The following FREM3 variants were observed in gnomAD, a reference collection of about 807,000 sequenced individuals.
FREM3 encodes FRAS1-related extracellular matrix protein 3.
In FREM3, 105 loss-of-function variants were observed where a neutral mutation model predicts 129.1. The observed-to-expected ratio is 0.81, with a 90% CI of 0.69 to 0.96. The LOEUF is 0.96. Among genes scored for constraint, FREM3 ranks in the 40% least tolerant of loss-of-function variants. The pLI is 0.00. For synonymous variants in FREM3, 1,014 were observed against 1,044.9 expected (o/e 0.97, Z 0.57); for missense variants, 2,593 against 2,666.3 (o/e 0.97, Z 0.61).
chr4:143,620,112 T>C (rs1464217540), intron 5 of FREM3, among the ~76,000 whole-genome samples: 1 of 152,170 alleles, frequency 6.6e-6, no homozygotes, highest in African/African-American at 2.4e-5. Context: ...ACTTACTAAA[T>C]AACTGCCAGC....
chr4:143,689,191 A>G (rs1010692601), intron 2 of FREM3, among the ~76,000 whole-genome samples: 3 of 152,114 alleles, frequency 2.0e-5, no homozygotes, highest in African/African-American at 7.2e-5. Flanking sequence ...AAAAAAACAA[A>G]CAATCCCATC....
chr4:143,648,827 A>G (rs2149848272), intron 2 of FREM3, among the ~76,000 whole-genome samples: 1 of 152,288 alleles, frequency 6.6e-6, no homozygotes, highest in African/African-American at 2.4e-5. Context: ...CAATGGCATG[A>G]TCATAGCTCA....
chr4:143,697,667 G>A lies in FREM3; in HGVS notation c.3009C>T (p.Pro1003=). Residue 1003 remains proline (P), a synonymous_variant, in exon 1 of 8, where the codon CCC becomes CCT. Coordinates refer to ENST00000329798, the MANE Select transcript of FREM3 (RefSeq NM_001168235.2). ...KLGTILVNGL[P]TERFTQEDLI... Reference sequence around the variant, plus strand: ...GATCCTCTTGGGTGAATCGTTCTGTGGGCAAACCATTTACCAGAATAGTGC... The same window carrying A: ...GATCCTCTTGGGTGAATCGTTCTGTAGGCAAACCATTTACCAGAATAGTGC... 6.5e-7 allele frequency: 1 copy of A among 1,537,830 alleles called. No homozygotes were observed. The highest frequency in any genetic ancestry group is 1.2e-5 in the South Asian group (1 of 84,054).
At chr4:143,584,139 G>T (rs954615572) in intron 7 of FREM3, among the ~76,000 whole-genome samples, 2 of 152,228 alleles carry the variant, frequency 1.3e-5, no homozygotes, top group Non-Finnish European at 2.9e-5. Flanking sequence ...GCTGGGCGCG[G>T]TGGCTCACGC....
Position 143,698,763 on chromosome 4 carries a change from T to A in FREM3, c.1913A>T (p.Tyr638Phe). The change falls in exon 1 of 8, where the codon TAT (tyrosine) becomes TTT (phenylalanine). Residue 638 changes from tyrosine to phenylalanine, a missense_variant. Tyr to Phe is a conservative substitution (Grantham distance 22). Transcript: ENST00000329798. Reference protein sequence around the residue: ...DWHYMEKEGLYEKVVTEWLQR... With the variant: ...DWHYMEKEGLFEKVVTEWLQR... ...TAGCCACTCAGTCACCACTTTCTCA[T>A]AAAGCCCTTCCTTTTCCATGTAGTG... is the stretch of plus-strand genomic sequence containing the variant. 4 of 1,537,522 alleles carry A rather than the reference T, an allele frequency of 2.6e-6. No individual in the cohort carries two copies. The highest frequency in any genetic ancestry group is 3.5e-6 in the Non-Finnish European group (4 of 1,146,970).
intron 2 of FREM3, among the ~76,000 whole-genome samples, chr4:143,640,726 C>A (rs1253130155): frequency 6.6e-6 from 1 of 151,950 alleles, no homozygotes; most frequent in African/African-American, 2.4e-5. Context: ...TAGTTAGCAA[C>A]AGAACCAGTA....
chr4:143,699,427 C>G lies in FREM3; in HGVS notation c.1249G>C (p.Asp417His), dbSNP rs184496. The change falls in exon 1 of 8, where the codon GAC (aspartate) becomes CAC (histidine). Residue 417 changes from aspartate (D) to histidine (H), a missense_variant. Transcript: ENST00000329798. This position sits in a 1 kb window ranked among gnomAD's most constrained non-coding sequence, Gnocchi z 4.2. Reference protein sequence around the residue: ...EVVDGDGAASDPFAFMVTVKS... With the variant: ...EVVDGDGAASHPFAFMVTVKS... ...ACTGTCACCATGAAGGCAAAGGGGTCTGAGGCGGCGCCGTCTCCGTCCACC... is the reference window on the plus strand; with the variant it reads ...ACTGTCACCATGAAGGCAAAGGGGTGTGAGGCGGCGCCGTCTCCGTCCACC... The G allele has an allele frequency of 1.3e-6, 2 of 1,537,324 alleles. No homozygotes were observed. The highest frequency in any genetic ancestry group is 1.7e-6 in the Non-Finnish European group (2 of 1,146,924).
intron 7 of FREM3, among the ~76,000 whole-genome samples, chr4:143,582,732 G>A (rs939014913): frequency 1.3e-5 from 2 of 151,892 alleles, no homozygotes; most frequent in African/African-American, 4.8e-5. Flanking sequence ...TCGAGAATCA[G>A]GTGAAAGTCA....
At chr4:143,630,349 T>C (rs961735205) in intron 2 of FREM3, among the ~76,000 whole-genome samples, 1 of 152,188 alleles carries the variant, frequency 6.6e-6, no homozygotes, top group African/African-American at 2.4e-5. Context: ...TAATACATCT[T>C]TTAAAAAGTG....
At position 143,635,252 on chromosome 4, in the gene FREM3, T is replaced by C. The variant is rs113333710; in HGVS notation, c.5276-7492A>G. Among the ~76,000 whole-genome samples, 136 of 152,312 alleles carry C rather than the reference T, an allele frequency of 8.9e-4. 1 individual carries two copies. Among genetic ancestry groups the C allele is most frequent in the African/African-American group, 3.1e-3 (129 of 41,580 alleles). On this transcript the variant is annotated intron_variant, in intron 2 of 7. Transcript: ENST00000329798. ...AATATTTGAATTAGTTTTATCACAA[T>C]GTGGAAGTCTGGTATAAAATGATCA...
intron 2 of FREM3, among the ~76,000 whole-genome samples, chr4:143,654,615 C>G (rs1739567526): frequency 6.6e-6 from 1 of 152,170 alleles, no homozygotes; most frequent in African/African-American, 2.4e-5. Context: ...TAGGATGAAT[C>G]CAATTCCTTC....
At chr4:143,656,062 C>A (rs1441595607) in intron 2 of FREM3, among the ~76,000 whole-genome samples, 2 of 152,254 alleles carry the variant, frequency 1.3e-5, no homozygotes, top group South Asian at 2.1e-4. Context: ...GTTATTGAAT[C>A]TGTCTAATGT....
At position 143,696,150 on chromosome 4, in the gene FREM3, T is replaced by C. The variant is rs1366626871; in HGVS notation, c.4526A>G (p.Asp1509Gly). 3.3e-6 allele frequency: 5 copies of C among 1,537,518 alleles called. No homozygotes were observed. Among genetic ancestry groups the C allele is most frequent in the Admixed American group, 3.9e-5 (2 of 50,992 alleles). The change falls in exon 1 of 8, where the codon GAC becomes GGC. Residue 1509 changes from aspartate (D) to glycine (G), a missense_variant. Around this residue, in one of 2 missense-constraint regions of FREM3, gnomAD observed 2,276 missense variants for 2,267.2 expected, o/e 1.00. Transcript: ENST00000329798. ...GCCGATCACTTGAAATTCGAAGCTG[T>C]CCATCTTTTTCTCATCATTTGAAGT... ...VHTSNDEKKM[D>G]SFEFQVIGEL...
Position 143,618,460 on chromosome 4 carries a change from C to T in FREM3, c.5779+2577G>A, listed in dbSNP as rs181642689. Among the ~76,000 whole-genome samples the T allele has an allele frequency of 2.0e-5, 3 of 152,066 alleles. No individual in the cohort carries two copies. The East Asian group carries it at 5.8e-4, about 29-fold the overall frequency. On this transcript the variant is annotated intron_variant, in intron 5 of 7. Coordinates refer to ENST00000329798, the MANE Select transcript of FREM3 (RefSeq NM_001168235.2). ...CAGGGTCGGGGCCCTTCCTGGAACA[C>T]TAAGCCACTGTATGCAAGGTAGCAT... is the stretch of plus-strand genomic sequence containing the variant.
chr4:143,650,199 G>T (rs562923422), intron 2 of FREM3, among the ~76,000 whole-genome samples: 25 of 152,188 alleles, frequency 1.6e-4, no homozygotes, highest in Admixed American at 3.3e-4. Context: ...TAGTAGTGTA[G>T]ACCTAAAAAT....
At chr4:143,605,789 A>G (rs1428844037) in intron 6 of FREM3, among the ~76,000 whole-genome samples, 3 of 152,200 alleles carry the variant, frequency 2.0e-5, no homozygotes, top group Non-Finnish European at 2.9e-5. Context: ...TTACTACTTT[A>G]TAAGTGAGCA....
chr4:143,599,483 A>G (rs1235298495), intron 6 of FREM3, among the ~76,000 whole-genome samples: 1 of 152,092 alleles, frequency 6.6e-6, no homozygotes, highest in African/African-American at 2.4e-5. Context: ...TTCTGGTCTT[A>G]ATGATTCTGT....
At chr4:143,618,949 A>G (rs756033854) in intron 5 of FREM3, among the ~76,000 whole-genome samples, 8 of 152,056 alleles carry the variant, frequency 5.3e-5, no homozygotes, top group Non-Finnish European at 1.2e-4. Flanking sequence ...CCCACTAGCA[A>G]ATCACTTAGC....
chr4:143,691,689 A>T (rs1050821277), intron 2 of FREM3, among the ~76,000 whole-genome samples: 3 of 152,206 alleles, frequency 2.0e-5, no homozygotes, highest in African/African-American at 7.2e-5. Flanking sequence ...CAAAAGTCAT[A>T]ATGTCTTTAG....
Sources: gnomAD v4.1 joint callset for allele counts (sites outside exome capture counted in the v4.1 genomes callset) on GRCh38, gnomAD v4.1.1 for gene constraint, gnomAD v4.1.1 regional missense constraint, Gnocchi (gnomAD v3.1) non-coding constraint, MANE v1.5 for transcripts, NCBI Gene and HGNC (gene_info 2026-07-23, HGNC 2026-07-21) for gene names.